TNFSF13B: variants seen among roughly 807,000 people sequenced by gnomAD.
TNFSF13B encodes the protein TNF superfamily member 13b.
A neutral mutation model predicts 29.1 loss-of-function variants in TNFSF13B; 8 were observed. That is an observed-to-expected ratio of 0.27 (90% confidence interval 0.16 to 0.50). The LOEUF is 0.50. Among genes scored for constraint, TNFSF13B ranks in the 20% least tolerant of loss-of-function variants. The pLI is 0.98. For missense variants in TNFSF13B, 248 were observed against 334.9 expected (o/e 0.74, Z 2.03); for synonymous variants, 125 against 130.8 (o/e 0.96, Z 0.30).
At chr13:108,282,677 GAA>G (rs1219048433) in intron 2 of TNFSF13B, among the ~76,000 whole-genome samples, 2 of 152,060 alleles carry the variant, frequency 1.3e-5, no homozygotes, top group African/African-American at 4.8e-5. Context: ...TGTTTTATGT[GAA>G]GTTTATTATG....
intron 2 of TNFSF13B, among the ~76,000 whole-genome samples, chr13:108,274,672 T>A (rs1420686294): frequency 6.6e-6 from 1 of 152,164 alleles, no homozygotes; most frequent in African/African-American, 2.4e-5. Context: ...TTAGTAGGAA[T>A]TTTTTGGCAT....
Position 108,306,814 on chromosome 13 carries a change from AT to A in TNFSF13B, c.746-6del. ...TAACCACTTATAGTTCTTGTAAATC[AT>A]TTTTTCCCAGGCATTGCAAAACTGG... On this transcript the variant is annotated splice_polypyrimidine_tract_variant and intron_variant, in intron 5 of 5. Transcript: ENST00000375887. The A allele has an allele frequency of 4.6e-6, 7 of 1,524,958 alleles. No homozygotes were observed. Among genetic ancestry groups the A allele is most frequent in the Non-Finnish European group, 4.5e-6 (5 of 1,101,070 alleles). The allele number at this position is 1,524,958 out of a possible 1,614,324, so 94.5% of individuals were successfully genotyped here. A position where few individuals can be genotyped will look rare whatever the true frequency, so the allele number is the denominator to read the frequency against.
At chr13:108,299,705 G>T (rs1377567603) in intron 3 of TNFSF13B, among the ~76,000 whole-genome samples, 1 of 152,124 alleles carries the variant, frequency 6.6e-6, no homozygotes, top group Non-Finnish European at 1.5e-5. Flanking sequence ...ACTTTCACTA[G>T]GCTGTCTGCA....
intron 2 of TNFSF13B, among the ~76,000 whole-genome samples, chr13:108,284,287 C>T: frequency 1.3e-5 from 2 of 152,064 alleles, no homozygotes; most frequent in Non-Finnish European, 2.9e-5. Context: ...TGAGATCGCG[C>T]CACTGCACTC....
At chr13:108,289,785 T>G (rs1881255098) in intron 3 of TNFSF13B, among the ~76,000 whole-genome samples, 1 of 151,944 alleles carries the variant, frequency 6.6e-6, no homozygotes, top group Non-Finnish European at 1.5e-5. Context: ...TGAGTTCCTA[T>G]GCTTGCTCTG....
intron 2 of TNFSF13B, among the ~76,000 whole-genome samples, chr13:108,279,200 GA>G (rs1880861145): frequency 1.3e-5 from 2 of 152,060 alleles, no homozygotes; most frequent in Non-Finnish European, 2.9e-5. Flanking sequence ...TTATTCCACG[GA>G]TTTTTTTTTA....
chr13:108,281,315 T>C (rs2139049037), intron 2 of TNFSF13B, among the ~76,000 whole-genome samples: 1 of 152,288 alleles, frequency 6.6e-6, no homozygotes, highest in East Asian at 1.9e-4. Context: ...CTGTGGTTTT[T>C]TCTATTCTAT....
intron 3 of TNFSF13B, chr13:108,302,717 G>C: frequency 8.3e-6 from 5 of 604,058 alleles, no homozygotes; most frequent in Non-Finnish European, 1.0e-5. Context: ...TTGTTACAAA[G>C]TTCCTTGACC....
chr13:108,271,675 CATCAATTATTTTT>C (rs887838758), intron 2 of TNFSF13B, among the ~76,000 whole-genome samples: 6 of 152,178 alleles, frequency 3.9e-5, no homozygotes, highest in African/African-American at 1.4e-4. Context: ...TATTTTAACA[CATCAATTATTTTT>C]ATCGTCTGCA....
chr13:108,282,559 T>G (rs1880987682), intron 2 of TNFSF13B, among the ~76,000 whole-genome samples: 1 of 152,194 alleles, frequency 6.6e-6, no homozygotes, highest in South Asian at 2.1e-4. Context: ...TGAATTTTAT[T>G]GTGTTAAATA....
In TNFSF13B at chr13:108,307,433, T is replaced by G. The variant is rs1389341096; in HGVS notation, c.*495T>G. On this transcript the variant is annotated 3_prime_UTR_variant, in exon 6 of 6. Coordinates refer to ENST00000375887, the MANE Select transcript of TNFSF13B (RefSeq NM_006573.5). ...AGTTAACATTATAAAAAGTAAAAAA[T>G]GAAAATTTTAGAAATCTTGCATTAG... 1 of 151,950 alleles carries G rather than the reference T, an allele frequency of 6.6e-6. No homozygotes were observed. The highest frequency in any genetic ancestry group is 2.4e-5 in the African/African-American group (1 of 41,380). 9.4% of individuals were successfully genotyped at this position (151,950 alleles called of 1,614,324 possible). A position where few individuals can be genotyped will look rare whatever the true frequency, so the allele number is the denominator to read the frequency against.
chr13:108,284,474 G>T (rs1881066169), intron 2 of TNFSF13B, among the ~76,000 whole-genome samples: 1 of 152,076 alleles, frequency 6.6e-6, no homozygotes, highest in South Asian at 2.1e-4. Flanking sequence ...ATGTTTCCAC[G>T]GTGTCCTTCC....
At chr13:108,301,898 A>C (rs944511507) in intron 3 of TNFSF13B, among the ~76,000 whole-genome samples, 1 of 152,196 alleles carries the variant, frequency 6.6e-6, no homozygotes, top group African/African-American at 2.4e-5. Flanking sequence ...GTACATGACA[A>C]ATATGTACAA....
rs192536485 is a variant in TNFSF13B, at chr13:108,301,601, A to G, written c.482-1652A>G. ...GGAATCTAAAAAAAGTCAAATTCAA[A>G]GAAGTAGAGAGTAGAATGGTGTTGA... On this transcript the variant is annotated intron_variant, in intron 3 of 5. Transcript: ENST00000375887. 1.1e-3 allele frequency among the ~76,000 whole-genome samples: 169 copies of G among 152,322 alleles called. 1 individual carries two copies. Among genetic ancestry groups the G allele is most frequent in the Admixed American group, 3.3e-3 (50 of 15,290 alleles).
At position 108,307,015 on chromosome 13, in the gene TNFSF13B, CCAAAAAAAAAA is replaced by C; in HGVS notation, c.*78_*88del. On this transcript the variant is annotated 3_prime_UTR_variant, in exon 6 of 6. Coordinates refer to ENST00000375887, the MANE Select transcript of TNFSF13B (RefSeq NM_006573.5). ...AGAAGAAAGAATCTAACTGAAAATA[CCAAAAAAAAAA>C]AAAAAAAAAAAAAAAAAAAAAGTAG... is the stretch of plus-strand genomic sequence containing the variant. The C allele has an allele frequency of 9.2e-5, 2 of 21,654 alleles. No homozygotes were observed. The highest frequency in any genetic ancestry group is 1.7e-4 in the Non-Finnish European group (2 of 11,778). The allele number at this position is 21,654 out of a possible 1,614,324, so 1.3% of individuals were successfully genotyped here. A position where few individuals can be genotyped will look rare whatever the true frequency, so the allele number is the denominator to read the frequency against.
chr13:108,293,565 T>C (rs1035367381), intron 3 of TNFSF13B, among the ~76,000 whole-genome samples: 3 of 152,150 alleles, frequency 2.0e-5, no homozygotes, highest in South Asian at 2.1e-4. Context: ...ACACAAGATA[T>C]CTTCTCTTTT....
intron 2 of TNFSF13B, among the ~76,000 whole-genome samples, chr13:108,281,562 C>A (rs746761106): frequency 2.6e-5 from 4 of 152,132 alleles, no homozygotes; most frequent in Non-Finnish European, 5.9e-5. Context: ...TGCTGCCACC[C>A]TCCCTTTACA....
intron 3 of TNFSF13B, among the ~76,000 whole-genome samples, chr13:108,290,227 A>G (rs550604831): frequency 1.3e-5 from 2 of 152,294 alleles, no homozygotes; most frequent in South Asian, 4.1e-4. Context: ...AGAGATCCTC[A>G]TATGAAAAAA....
In TNFSF13B at chr13:108,307,144, C is replaced by T; in HGVS notation, c.*206C>T. 2.2e-6 allele frequency: 1 copy of T among 457,988 alleles called. No individual in the cohort carries two copies. Among genetic ancestry groups the T allele is most frequent in the East Asian group, 4.0e-5 (1 of 25,096 alleles). 28.4% of individuals were successfully genotyped at this position (457,988 alleles called of 1,614,324 possible). On this transcript the variant is annotated 3_prime_UTR_variant, in exon 6 of 6. Transcript: ENST00000375887. The stretch of plus-strand genomic sequence containing the variant: ...ACAGACAGCCACAGCCAAAGAGTGT[C>T]ATGTGAATTACAAGAAATAGAGCCC...
Sources: gnomAD v4.1 joint callset for allele counts (sites outside exome capture counted in the v4.1 genomes callset) on GRCh38, gnomAD v4.1.1 for gene constraint, MANE v1.5 for transcripts, NCBI Gene and HGNC (gene_info 2026-07-23, HGNC 2026-07-21) for gene names.